Variants in C16orf74 observed in about 807,000 individuals in gnomAD.
C16orf74 encodes uncharacterized protein C16orf74.
C16orf74 carries 10 observed loss-of-function variants against 6.5 expected under a neutral mutation model. The observed-to-expected ratio is 1.54, with a 90% CI of 0.95 to 2.61. The LOEUF is 2.61. Ranked by LOEUF, C16orf74 falls within the 30% of genes most tolerant of loss-of-function variation. The pLI, the probability that C16orf74 is intolerant of heterozygous loss-of-function variation, is 0.00. For synonymous variants in C16orf74, 60 were observed against 42.5 expected (o/e 1.41, Z -1.60); for missense variants, 141 against 105.9 (o/e 1.33, Z -1.45).
intron 2 of C16orf74, among the ~76,000 whole-genome samples, chr16:85,712,336 T>A (rs2053978530): frequency 6.6e-6 from 1 of 152,228 alleles, no homozygotes; most frequent in South Asian, 2.1e-4. Context: ...GGTTTGATGT[T>A]TAAGCCACAA....
intron 1 of C16orf74, among the ~76,000 whole-genome samples, chr16:85,748,107 C>CAT (rs1430678652): frequency 2.0e-4 from 12 of 61,114 alleles, no homozygotes; most frequent in Admixed American, 3.6e-4. Flanking sequence ...TATATATATA[C>CAT]ATATATATAT....
intron 3 of C16orf74, among the ~76,000 whole-genome samples, chr16:85,709,064 C>A (rs4843587): frequency 2.6e-5 from 4 of 152,110 alleles, no homozygotes; most frequent in South Asian, 2.1e-4. Flanking sequence ...TAGTTTACCC[C>A]TGTCTAAAAT....
At chr16:85,747,751 T>C (rs1373818629) in intron 1 of C16orf74, among the ~76,000 whole-genome samples, 1 of 152,138 alleles carries the variant, frequency 6.6e-6, no homozygotes, top group Admixed American at 6.6e-5. Flanking sequence ...CTTGGTTTTA[T>C]ACATTAGGAA....
intron 1 of C16orf74, among the ~76,000 whole-genome samples, chr16:85,749,076 TG>T: frequency 6.6e-6 from 1 of 151,948 alleles, no homozygotes. Context: ...CCACTGTGCC[TG>T]GGCCCCATCA....
chr16:85,721,909 C>T (rs1008276569), intron 2 of C16orf74, among the ~76,000 whole-genome samples: 8 of 151,220 alleles, frequency 5.3e-5, no homozygotes, highest in African/African-American at 1.9e-4. Context: ...TCACCTACTG[C>T]AAAGGGGGTT....
intron 1 of C16orf74, among the ~76,000 whole-genome samples, chr16:85,736,265 G>A (rs868638014): frequency 3.3e-5 from 5 of 152,098 alleles, no homozygotes; most frequent in African/African-American, 1.2e-4. Flanking sequence ...AGGGGTGTGT[G>A]GCTAGTACCT....
chr16:85,738,016 G>A (rs1277287966), intron 1 of C16orf74, among the ~76,000 whole-genome samples: 1 of 145,204 alleles, frequency 6.9e-6, no homozygotes, highest in African/African-American at 2.5e-5. Flanking sequence ...TTTATGCGTG[G>A]TCCAAGACAA....
intron 1 of C16orf74, among the ~76,000 whole-genome samples, chr16:85,747,549 T>TG (rs920974056): frequency 9.2e-5 from 14 of 152,068 alleles, no homozygotes; most frequent in African/African-American, 3.1e-4. Flanking sequence ...GGGGGTGTCC[T>TG]GGGGGGCTGA....
At chr16:85,744,388 C>CT (rs1319904747) in intron 1 of C16orf74, among the ~76,000 whole-genome samples, 1 of 152,030 alleles carries the variant, frequency 6.6e-6, no homozygotes, top group Non-Finnish European at 1.5e-5. Context: ...AATGTTCTAT[C>CT]TTTTTCACAC....
chr16:85,742,575 CTT>C (rs942566078), intron 1 of C16orf74, among the ~76,000 whole-genome samples: 1 of 152,018 alleles, frequency 6.6e-6, no homozygotes, highest in Non-Finnish European at 1.5e-5. Context: ...CACTTTCACT[CTT>C]TTTGCCCAGG....
intron 2 of C16orf74, among the ~76,000 whole-genome samples, chr16:85,723,841 G>A (rs1248017614): frequency 2.0e-5 from 3 of 152,208 alleles, no homozygotes; most frequent in African/African-American, 7.2e-5. Flanking sequence ...CAGGGCACAA[G>A]AGCAGGCTGC....
At chr16:85,740,756 T>C (rs1490308270) in intron 1 of C16orf74, among the ~76,000 whole-genome samples, 16 of 130,976 alleles carry the variant, frequency 1.2e-4, no homozygotes, top group Non-Finnish European at 2.1e-4. Context: ...GCCAGCTACC[T>C]GGGAGATGGA....
At chr16:85,712,260 T>C (rs1344538657) in intron 2 of C16orf74, among the ~76,000 whole-genome samples, 2 of 152,206 alleles carry the variant, frequency 1.3e-5, no homozygotes, top group Non-Finnish European at 2.9e-5. Flanking sequence ...TGATCGACCC[T>C]GAGCCAGAAC....
chr16:85,744,828 T>TAAA (rs1367590746), intron 1 of C16orf74, among the ~76,000 whole-genome samples: 1 of 14,494 alleles, frequency 6.9e-5, no homozygotes, highest in Admixed American at 1.3e-3. Flanking sequence ...AGACTCCATC[T>TAAA]CAAAAAAAAA....
intron 2 of C16orf74, among the ~76,000 whole-genome samples, chr16:85,715,747 C>G (rs867858372): frequency 6.6e-6 from 1 of 152,190 alleles, no homozygotes; most frequent in Non-Finnish European, 1.5e-5. Flanking sequence ...ACATCCAGGA[C>G]TGGCTGCGGA....
intron 2 of C16orf74, among the ~76,000 whole-genome samples, chr16:85,713,966 C>T (rs552361416): frequency 4.9e-4 from 74 of 152,338 alleles, no homozygotes; most frequent in African/African-American, 1.7e-3. Flanking sequence ...AACCGGGAAT[C>T]AGAGCCTCCA....
chr16:85,730,894 C>T lies in C16orf74; in HGVS notation c.28+4296G>A, dbSNP rs904963502. Among the ~76,000 whole-genome samples, 3 of 150,574 alleles carry T rather than the reference C, an allele frequency of 2.0e-5. No homozygotes were observed. The Admixed American group carries it at 2.0e-4, about 10-fold the overall frequency. ...AATCCCCTAGACAACTGAACCCCCC[C>T]AGATCAGCTGACTGAACCTCCCAGA... On this transcript the variant is annotated intron_variant, in intron 2 of 3. Transcript: ENST00000284245.
intron 1 of C16orf74, among the ~76,000 whole-genome samples, chr16:85,749,290 T>C (rs1194033929): frequency 1.3e-5 from 2 of 152,118 alleles, no homozygotes; most frequent in Non-Finnish European, 2.9e-5. Flanking sequence ...TTTAATTTAT[T>C]ATTATTTTTT....
At chr16:85,709,458 GC>G (rs2053945220) in intron 3 of C16orf74, among the ~76,000 whole-genome samples, 1 of 151,480 alleles carries the variant, frequency 6.6e-6, no homozygotes, top group Admixed American at 6.6e-5. Flanking sequence ...CATTTGTTAC[GC>G]TCAGTACAGT....
Sources: gnomAD v4.1 joint callset for allele counts (sites outside exome capture counted in the v4.1 genomes callset) on GRCh38, gnomAD v4.1.1 for gene constraint, MANE v1.5 for transcripts, NCBI Gene and HGNC (gene_info 2026-07-23, HGNC 2026-07-21) for gene names.